Variants in SEPTIN9 observed in about 807,000 individuals in gnomAD.
The protein encoded by SEPTIN9 is septin 9.
Under a neutral mutation model 56.6 loss-of-function variants are expected in SEPTIN9, and 13 were observed. That is an observed-to-expected ratio of 0.23 (90% CI 0.15 to 0.37). The LOEUF is 0.37. Among genes scored for constraint, SEPTIN9 ranks in the 10% least tolerant of loss-of-function variants. The pLI, the probability that SEPTIN9 is intolerant of heterozygous loss-of-function variation, is 1.00. For missense variants in SEPTIN9, 650 were observed against 823.1 expected (o/e 0.79, Z 2.57); for synonymous variants, 332 against 334.1 (o/e 0.99, Z 0.07).
rs1417341063 is a variant in SEPTIN9 at position 77,283,178 on chromosome 17, T to TA, written c.19+1632dup. On this transcript the variant is annotated intron_variant, in intron 1 of 11. Transcript: ENST00000427177. ...TGGGTTTCTTTTTTTTTTTTTTTTT[T>TA]AAAAAAAAGGACAGAACCTTTTGCA... is the stretch of plus-strand genomic sequence containing the variant. Among the ~76,000 whole-genome samples, 934 of 147,030 alleles carry TA rather than the reference T, an allele frequency of 6.4e-3. 5 individuals are homozygous for TA. Among genetic ancestry groups the TA allele is most frequent in the African/African-American group, 0.013 (519 of 39,096 alleles).
At chr17:77,426,503 A>C (rs1304122859) in intron 3 of SEPTIN9, among the ~76,000 whole-genome samples, 1 of 151,866 alleles carries the variant, frequency 6.6e-6, no homozygotes, top group African/African-American at 2.4e-5. Flanking sequence ...GTGAGACCCT[A>C]CGTCACCTGG....
At position 77,346,278 on chromosome 17, in the gene SEPTIN9, C is replaced by CTT. The variant is rs577131369; in HGVS notation, c.76+39109_76+39110dup. On this transcript the variant is annotated intron_variant, in intron 2 of 11. Transcript: ENST00000427177. Reference sequence around the variant, plus strand: ...AGATTCTTAAAGCAGATCCTTAGGTCTTTTTTTTTTTTTTTTTTTTTTTTT... The same window carrying CTT: ...AGATTCTTAAAGCAGATCCTTAGGTCTTTTTTTTTTTTTTTTTTTTTTTTTTT... 9.1e-3 allele frequency among the ~76,000 whole-genome samples: 421 copies of CTT among 46,226 alleles called. 8 individuals carry two copies. The highest frequency in any genetic ancestry group is 0.026 in the African/African-American group (342 of 12,972). The allele number at this position is 46,226 out of a possible 152,430, so 30.3% of individuals were successfully genotyped here.
chr17:77,383,128 C>G (rs1441167661), intron 2 of SEPTIN9, among the ~76,000 whole-genome samples: 1 of 151,124 alleles, frequency 6.6e-6, no homozygotes, highest in African/African-American at 2.4e-5. Context: ...GCCTGCCCTA[C>G]CCTCCCTCTC....
Position 77,449,746 on chromosome 17 carries a change from A to G in SEPTIN9, c.722-32398A>G, listed in dbSNP as rs1392812424. Among the ~76,000 whole-genome samples, 1 of 151,986 alleles carries G rather than the reference A, an allele frequency of 6.6e-6. No individual in the cohort carries two copies. The highest frequency in any genetic ancestry group is 1.5e-5 in the Non-Finnish European group (1 of 67,960). On this transcript the variant is annotated intron_variant, in intron 3 of 11. Transcript: ENST00000427177. This position sits in a 1 kb window ranked among gnomAD's most constrained non-coding sequence, Gnocchi z 4.6. ...CTGGGCTGGGCTGCAGACAGTGGAA[A>G]AGACAGGCTCTTCTCACTCCCAGTG...
chr17:77,392,267 G>C (rs1463881983), intron 2 of SEPTIN9, among the ~76,000 whole-genome samples: 4 of 152,204 alleles, frequency 2.6e-5, no homozygotes, highest in African/African-American at 9.7e-5. Context: ...GGTTGCCAGA[G>C]GCAGAGAGAA....
intron 2 of SEPTIN9, among the ~76,000 whole-genome samples, chr17:77,355,499 G>T (rs2034199697): frequency 6.6e-6 from 1 of 152,178 alleles, no homozygotes; most frequent in Non-Finnish European, 1.5e-5. Flanking sequence ...CCACTGCTGT[G>T]GCTGTTCCCT....
At position 77,286,912 on chromosome 17, in the gene SEPTIN9, G is replaced by A. The variant is rs542590190; in HGVS notation, c.19+5358G>A. ...CCTTTGGGGTGAGGCGGGAAGTGAC[G>A]CGCTGGGTTCCTGCGCCTCTGTTTG... On this transcript the variant is annotated intron_variant, in intron 1 of 11. Transcript: ENST00000427177. Among the ~76,000 whole-genome samples the A allele has an allele frequency of 4.6e-5, 7 of 152,296 alleles. No individual in the cohort carries two copies. In the South Asian group the frequency reaches 1.2e-3, roughly 27 times the overall value.
intron 1 of SEPTIN9, among the ~76,000 whole-genome samples, chr17:77,304,584 C>G (rs536070198): frequency 2.2e-4 from 33 of 152,236 alleles, no homozygotes; most frequent in South Asian, 1.7e-3. Flanking sequence ...GATAGGGCAG[C>G]CTTTGTCGCC....
rs1391785333 is a variant in SEPTIN9, at chr17:77,499,474, TC to T, written c.*821del. The T allele has an allele frequency of 9.8e-6, 5 of 510,968 alleles. No homozygotes were observed. The East Asian group carries it at 2.0e-4, about 20-fold the overall frequency. The allele number at this position is 510,968 out of a possible 1,614,324, so 31.7% of individuals were successfully genotyped here. A position where few individuals can be genotyped will look rare whatever the true frequency, so the allele number is the denominator to read the frequency against. ...AGGAGAGATGACCCCTACCCCCTCATCCCCCAGTTTTGAAAAGGTCTAAGCA... is the reference window on the plus strand; with the variant it reads ...AGGAGAGATGACCCCTACCCCCTCATCCCCAGTTTTGAAAAGGTCTAAGCA... On this transcript the variant is annotated 3_prime_UTR_variant, in exon 12 of 12. Coordinates refer to ENST00000427177, the MANE Select transcript of SEPTIN9 (RefSeq NM_001113491.2).
chr17:77,346,755 G>T (rs1454759883), intron 2 of SEPTIN9, among the ~76,000 whole-genome samples: 1 of 152,282 alleles, frequency 6.6e-6, no homozygotes, highest in African/African-American at 2.4e-5. Context: ...AGAGAATGGT[G>T]TTTGCTATGG....
At chr17:77,486,528 ACGCGCG>A (rs988601176) in intron 4 of SEPTIN9, among the ~76,000 whole-genome samples, 7 of 100,490 alleles carry the variant, frequency 7.0e-5, no homozygotes, top group South Asian at 3.2e-4. Context: ...GTGTGCGCGC[ACGCGCG>A]CGCGTGTTAT....
rs2033324150 is a variant in SEPTIN9, at chr17:77,330,970, G to T, written c.76+23773G>T. 6.6e-6 allele frequency among the ~76,000 whole-genome samples: 1 copy of T among 152,250 alleles called. No individual in the cohort carries two copies. Among genetic ancestry groups the T allele is most frequent in the Non-Finnish European group, 1.5e-5 (1 of 68,044 alleles). On this transcript the variant is annotated intron_variant, in intron 2 of 11. Transcript: ENST00000427177. The surrounding 1 kb of genome is among the most constrained non-coding windows in gnomAD (Gnocchi z 4.4). ...AGCTCACCTGGAGTCCCAGGCAGCA[G>T]ATTCGATGCAGTGATGCAGGGCTGT...
chr17:77,460,923 G>A (rs953559661), intron 3 of SEPTIN9, among the ~76,000 whole-genome samples: 1 of 152,216 alleles, frequency 6.6e-6, no homozygotes, highest in Non-Finnish European at 1.5e-5. Flanking sequence ...CTCCTTTTAA[G>A]TGGAGGTTTA....
Position 77,488,339 on chromosome 17 carries a change from G to A in SEPTIN9, c.1124+18G>A. On this transcript the variant is annotated intron_variant, in intron 6 of 11. Coordinates refer to ENST00000427177, the MANE Select transcript of SEPTIN9 (RefSeq NM_001113491.2). The stretch of plus-strand genomic sequence containing the variant: ...GAGAACTGGTGAGGCCCCTCCAGGG[G>A]GAGGAGCACTAGCGGGGGCTTCAGG... The A allele has an allele frequency of 6.2e-7, 1 of 1,607,298 alleles. No homozygotes were observed. Among genetic ancestry groups the A allele is most frequent in the South Asian group, 1.1e-5 (1 of 90,960 alleles).
rs200850474 is a variant in SEPTIN9, at chr17:77,402,623, C to T, written c.641C>T (p.Ala214Val). 13 of 1,612,998 alleles carry T rather than the reference C, an allele frequency of 8.1e-6. No homozygotes were observed. Among genetic ancestry groups the T allele is most frequent in the Non-Finnish European group, 1.1e-5 (13 of 1,179,720 alleles). Reference sequence around the variant, plus strand: ...CAGACCTTGGAGAATTCAGAGCCTGCCCCTGTGTCTCAGCTGCAGAGCAGG... The same window carrying T: ...CAGACCTTGGAGAATTCAGAGCCTGTCCCTGTGTCTCAGCTGCAGAGCAGG... ...PAQTLENSEP[A>V]PVSQLQSRLE... Residue 214 changes from alanine (A) to valine (V), a missense_variant, in exon 3 of 12, where the codon GCC becomes GTC. Ala to Val is a moderately conservative substitution (Grantham distance 64). Around this residue, in one of 2 missense-constraint regions of SEPTIN9, gnomAD observed 317 missense variants for 329.1 expected, o/e 0.96. Coordinates refer to ENST00000427177, the MANE Select transcript of SEPTIN9 (RefSeq NM_001113491.2). This position sits in a 1 kb window ranked among gnomAD's most constrained non-coding sequence, Gnocchi z 6.6.
rs1378342107 is a variant in SEPTIN9 at position 77,497,547 on chromosome 17, A to G, written c.1625+181A>G. 3 of 650,646 alleles carry G rather than the reference A, an allele frequency of 4.6e-6. No homozygotes were observed. The African/African-American group carries it at 5.4e-5, about 12-fold the overall frequency. 40.3% of individuals were successfully genotyped at this position (650,646 alleles called of 1,614,324 possible). A position where few individuals can be genotyped will look rare whatever the true frequency, so the allele number is the denominator to read the frequency against. On this transcript the variant is annotated intron_variant, in intron 11 of 11. Transcript: ENST00000427177. ...CTTCTGAAAAAGAAAACCCACTGGG[A>G]AATGAAGCAGGCAGTGAAGATCCTT...
intron 2 of SEPTIN9, among the ~76,000 whole-genome samples, chr17:77,395,358 T>G (rs1300475222): frequency 6.6e-6 from 1 of 151,774 alleles, no homozygotes; most frequent in Non-Finnish European, 1.5e-5. Flanking sequence ...AAATCGTGTC[T>G]CTACTAAAAA....
intron 2 of SEPTIN9, among the ~76,000 whole-genome samples, chr17:77,381,227 C>T (rs2035131536): frequency 6.6e-6 from 1 of 152,194 alleles, no homozygotes; most frequent in South Asian, 2.1e-4. Flanking sequence ...TCTCATCTTT[C>T]TTTCTGGTGG....
chr17:77,324,938 C>G (rs148415594), intron 2 of SEPTIN9, among the ~76,000 whole-genome samples: 2 of 151,722 alleles, frequency 1.3e-5, no homozygotes, highest in African/African-American at 4.8e-5. Context: ...CCTGCCTCAG[C>G]CTCCTGAGTA....
Sources: gnomAD v4.1 joint callset for allele counts (sites outside exome capture counted in the v4.1 genomes callset) on GRCh38, gnomAD v4.1.1 for gene constraint, gnomAD v4.1.1 regional missense constraint, Gnocchi (gnomAD v3.1) non-coding constraint, MANE v1.5 for transcripts, NCBI Gene and HGNC (gene_info 2026-07-23, HGNC 2026-07-21) for gene names.